KIAA1755: variants seen among roughly 807,000 people sequenced by gnomAD.
KIAA1755 encodes the protein uncharacterized protein KIAA1755.
A neutral mutation model predicts 91.7 loss-of-function variants in KIAA1755; 68 were observed. The ratio of observed to expected loss-of-function variants is 0.74; its 90% confidence interval spans 0.61 to 0.91. The LOEUF is 0.91. Among genes scored for constraint, KIAA1755 ranks in the 40% least tolerant of loss-of-function variants. The probability of loss-of-function intolerance (pLI) is 0.00; values close to 1 mark genes in which losing one functional copy is unlikely to be tolerated. For synonymous variants in KIAA1755, 610 were observed against 604.6 expected (o/e 1.01, Z -0.13); for missense variants, 1,535 against 1,494.4 (o/e 1.03, Z -0.45).
chr20:38,230,121 C>T (rs996786498), intron 5 of KIAA1755, among the ~76,000 whole-genome samples: 1 of 152,084 alleles, frequency 6.6e-6, no homozygotes, highest in Admixed American at 6.5e-5. Flanking sequence ...GGCTGGGTCC[C>T]GAGGAAAAGA....
chr20:38,221,548 T>C (rs554766022), intron 10 of KIAA1755, among the ~76,000 whole-genome samples: 31 of 152,280 alleles, frequency 2.0e-4, no homozygotes, highest in African/African-American at 7.2e-4. Flanking sequence ...ACATCCCAGC[T>C]ATGTGACCCT....
At chr20:38,225,482 G>A in intron 8 of KIAA1755, 183 bp downstream of exon 8, 1 of 593,462 alleles carries the variant, frequency 1.7e-6, no homozygotes, top group Non-Finnish European at 3.0e-6. Context: ...GGATTGCAAT[G>A]TAGGCAGCCT....
intron 1 of KIAA1755, among the ~76,000 whole-genome samples, chr20:38,255,756 C>T (rs1307823673): frequency 1.3e-5 from 2 of 152,176 alleles, no homozygotes; most frequent in African/African-American, 4.8e-5. Flanking sequence ...GAAAACAGCC[C>T]TGATGCAGTG....
intron 7 of KIAA1755, among the ~76,000 whole-genome samples, 189 bp from the exon 8 acceptor site, chr20:38,225,970 C>A (rs2075750247): frequency 6.6e-6 from 1 of 152,200 alleles, no homozygotes. Context: ...CAGAACCAGA[C>A]CCTGGTTAGG....
In KIAA1755 at chr20:38,246,010, G is replaced by C; in HGVS notation, c.120C>G (p.Phe40Leu). ...GQVFRLLDSG[F>L]QGDGLSFLLD... is the part of the protein sequence containing the mutation. ...GAAGGAAGCTCAGCCCATCCCCCTG[G>C]AAGCCAGAGTCCAGGAGACGGAACA... is the stretch of plus-strand genomic sequence containing the variant. Residue 40 changes from phenylalanine (F) to leucine (L), a missense_variant, in exon 2 of 14, where the codon TTC (phenylalanine) becomes TTG (leucine). Coordinates refer to ENST00000279024, the MANE Select transcript of KIAA1755 (RefSeq NM_001029864.2). The C allele has an allele frequency of 6.2e-7, 1 of 1,614,144 alleles. No homozygotes were observed. Among genetic ancestry groups the C allele is most frequent in the Non-Finnish European group, 8.5e-7 (1 of 1,180,028 alleles).
intron 1 of KIAA1755, among the ~76,000 whole-genome samples, chr20:38,249,183 C>G (rs183516460): frequency 2.1e-4 from 32 of 152,292 alleles, no homozygotes; most frequent in African/African-American, 7.5e-4. Context: ...GTCAGAACCA[C>G]CATTTTTCTG....
intron 1 of KIAA1755, among the ~76,000 whole-genome samples, chr20:38,248,331 C>T (rs1013441363): frequency 2.4e-4 from 37 of 152,292 alleles, no homozygotes; most frequent in South Asian, 4.2e-4. Flanking sequence ...GGAATGCGGG[C>T]GTCTCCTAGA....
chr20:38,227,957 C>T (rs934822389), intron 6 of KIAA1755, among the ~76,000 whole-genome samples, 190 bp downstream of exon 6: 14 of 152,246 alleles, frequency 9.2e-5, no homozygotes, highest in African/African-American at 3.1e-4. Context: ...GACTTGGCTC[C>T]TGGACTGTCC....
At position 38,217,453 on chromosome 20, in the gene KIAA1755, C is replaced by G. The variant is rs2075569282; in HGVS notation, c.2701G>C (p.Glu901Gln). 1 of 1,610,236 alleles carries G rather than the reference C, an allele frequency of 6.2e-7. No individual in the cohort carries two copies. The highest frequency in any genetic ancestry group is 1.3e-5 in the African/African-American group (1 of 74,812). ...AGCTGAGCGGCCTGCTTGGACAGCT[C>G]CAGGCCTCGGCGGTACTGGGCCTGA... is the stretch of plus-strand genomic sequence containing the variant. The part of the protein sequence containing the change: ...QAAAQYRRGL[E>Q]LSKQAAQLGA... Residue 901 changes from glutamate to glutamine, a missense_variant, in exon 13 of 14, where the codon GAG becomes CAG. Physicochemically the swap from Glu to Gln is conservative, Grantham distance 29. Coordinates refer to ENST00000279024, the MANE Select transcript of KIAA1755 (RefSeq NM_001029864.2).
intron 2 of KIAA1755, 88 bp downstream of exon 2, chr20:38,245,841 G>T: frequency 7.8e-7 from 1 of 1,284,570 alleles, no homozygotes; most frequent in Non-Finnish European, 1.1e-6. Flanking sequence ...ACAAGACACA[G>T]GCCAGCCCAC....
chr20:38,249,927 C>A (rs2076218679), intron 1 of KIAA1755, among the ~76,000 whole-genome samples: 1 of 152,178 alleles, frequency 6.6e-6, no homozygotes, highest in Non-Finnish European at 1.5e-5. Context: ...TGGGCTCTGG[C>A]CTCTCTGTTG....
chr20:38,215,590 A>G (rs6069234), intron 13 of KIAA1755, among the ~76,000 whole-genome samples: 62,187 of 152,084 alleles, frequency 0.41, 13,303 homozygotes, highest in East Asian at 0.52. Context: ...GTGTCTGCAA[A>G]GAGGGGATGT....
chr20:38,241,746 A>C lies in KIAA1755; in HGVS notation c.385T>G (p.Cys129Gly). Residue 129 changes from cysteine (C) to glycine (G), a missense_variant, in exon 3 of 14, where the codon TGC (cysteine) becomes GGC (glycine). Physicochemically the swap from Cys to Gly is radical, Grantham distance 159. Coordinates refer to ENST00000279024, the MANE Select transcript of KIAA1755 (RefSeq NM_001029864.2). ...GGAACAGGCTTCTTGTCCACTGTGC[A>C]GAGGTCCAGGGAGAGGCATTTGATC... The part of the protein sequence containing the change: ...IMIKCLSLDL[C>G]TVDKKPVPEP... 1 of 1,614,228 alleles carries C rather than the reference A, an allele frequency of 6.2e-7. No individual in the cohort carries two copies. Among genetic ancestry groups the C allele is most frequent in the Non-Finnish European group, 8.5e-7 (1 of 1,180,026 alleles).
chr20:38,251,439 C>T (rs752441932), intron 1 of KIAA1755, among the ~76,000 whole-genome samples: 4 of 151,994 alleles, frequency 2.6e-5, no homozygotes, highest in Non-Finnish European at 4.4e-5. Flanking sequence ...ACCCAGGGAA[C>T]CTTGTAGTGC....
At chr20:38,216,329 CAG>C (rs1404553988) in intron 13 of KIAA1755, among the ~76,000 whole-genome samples, 4 of 152,240 alleles carry the variant, frequency 2.6e-5, no homozygotes, top group South Asian at 2.1e-4. Flanking sequence ...CCCAAGGAGA[CAG>C]AGAGTGCCCT....
chr20:38,257,930 G>A (rs939347039), intron 1 of KIAA1755, among the ~76,000 whole-genome samples: 5 of 146,698 alleles, frequency 3.4e-5, no homozygotes, highest in Admixed American at 6.9e-5. Context: ...ACAAAGTCTC[G>A]CTCTTGTCCT....
chr20:38,251,057 A>G (rs553890121), intron 1 of KIAA1755, among the ~76,000 whole-genome samples: 1 of 152,018 alleles, frequency 6.6e-6, no homozygotes, highest in African/African-American at 2.4e-5. Flanking sequence ...AAATATATTT[A>G]AATATATTAC....
rs1396541153 is a variant in KIAA1755 at position 38,246,071 on chromosome 20, G to A, written c.59C>T (p.Pro20Leu). The change falls in exon 2 of 14, where the codon CCT becomes CTT. Residue 20 changes from proline (P) to leucine (L), a missense_variant. Pro to Leu is a moderately conservative substitution (Grantham distance 98). Coordinates refer to ENST00000279024, the MANE Select transcript of KIAA1755 (RefSeq NM_001029864.2). Reference sequence around the variant, plus strand: ...GACGGTGGGTGCTGTGGCCTCGAAAGGAGGATAGAGGCCCGCCAGGGCATG... The same window carrying A: ...GACGGTGGGTGCTGTGGCCTCGAAAAGAGGATAGAGGCCCGCCAGGGCATG... ...IQHALAGLYPPFEATAPTVLG... is the reference protein window; with the variant it reads ...IQHALAGLYPLFEATAPTVLG... The A allele has an allele frequency of 1.9e-6, 3 of 1,613,952 alleles. No individual in the cohort carries two copies. Among genetic ancestry groups the A allele is most frequent in the Admixed American group, 3.3e-5 (2 of 60,006 alleles).
intron 1 of KIAA1755, among the ~76,000 whole-genome samples, chr20:38,248,946 C>T (rs2076202617): frequency 1.3e-5 from 2 of 152,024 alleles, no homozygotes; most frequent in South Asian, 4.1e-4. Flanking sequence ...GCTATCTCGG[C>T]TCACTGCAGT....
Sources: allele counts gnomAD v4.1 joint callset (sites outside exome capture counted in the v4.1 genomes callset), GRCh38; gene constraint gnomAD v4.1.1; transcripts MANE v1.5; gene names NCBI Gene and HGNC (gene_info 2026-07-23, HGNC 2026-07-21).